MAP3K7CL: variants seen among roughly 807,000 people sequenced by gnomAD.
The protein encoded by MAP3K7CL is MAP3K7 C-terminal-like protein.
A neutral mutation model predicts 18.6 loss-of-function variants in MAP3K7CL; 16 were observed. The ratio of observed to expected loss-of-function variants is 0.86; its 90% confidence interval spans 0.58 to 1.31. MAP3K7CL has a LOEUF of 1.31. Ranked by LOEUF, MAP3K7CL falls within the 50% of genes most tolerant of loss-of-function variation. The pLI is 0.00. For synonymous variants in MAP3K7CL, 65 were observed against 66.8 expected (o/e 0.97, Z 0.13); for missense variants, 163 against 174.4 (o/e 0.93, Z 0.37).
chr21:29,133,012 C>T (rs1044749897), intron 1 of MAP3K7CL, among the ~76,000 whole-genome samples: 7 of 152,058 alleles, frequency 4.6e-5, no homozygotes, highest in African/African-American at 1.7e-4. Flanking sequence ...CAGGATTGAA[C>T]TGGTCCGTGT....
chr21:29,171,905 C>T lies in MAP3K7CL; in HGVS notation c.249-2807C>T, dbSNP rs192968288. 9.9e-4 allele frequency among the ~76,000 whole-genome samples: 150 copies of T among 151,644 alleles called. 3 individuals carry two copies. Among genetic ancestry groups the T allele is most frequent in the Admixed American group, 9.0e-3 (137 of 15,238 alleles). ...CAGTTGTGCCTTATTCTTCCTCCCA[C>T]GACAGTACTGGGGTTTTCTTTCTCT... On this transcript the variant is annotated intron_variant, in intron 4 of 4. Transcript: ENST00000399928.
chr21:29,115,142 C>T lies in MAP3K7CL; in HGVS notation c.370+22561C>T, dbSNP rs551653217. ...CGCCTCTGCTGTGGCCTCATCATGC[C>T]GGGCTAACTTGGTCTTCCCCATGTA... On this transcript the variant is annotated intron_variant, in intron 4 of 6. Coordinates refer to the MAP3K7CL transcript ENST00000286791. Among the ~76,000 whole-genome samples, 9 of 152,288 alleles carry T rather than the reference C, an allele frequency of 5.9e-5. No individual in the cohort carries two copies. The East Asian group carries it at 7.7e-4, about 13-fold the overall frequency.
intron 4 of MAP3K7CL, among the ~76,000 whole-genome samples, chr21:29,093,791 G>A (rs902778537): frequency 1.3e-5 from 2 of 152,122 alleles, no homozygotes; most frequent in East Asian, 1.9e-4. Flanking sequence ...GCGCCCGGCC[G>A]AGAAGGACCT....
intron 1 of MAP3K7CL, among the ~76,000 whole-genome samples, chr21:29,078,029 A>T (rs922700857): frequency 1.3e-5 from 2 of 152,090 alleles, no homozygotes; most frequent in Non-Finnish European, 2.9e-5. Flanking sequence ...TGTTTGTGTT[A>T]AAGTTTTAAC....
rs917855867 is a variant in MAP3K7CL at position 29,091,593 on chromosome 21, A to T, written c.133+17A>T. On this transcript the variant is annotated intron_variant, in intron 2 of 6. Coordinates refer to the MAP3K7CL transcript ENST00000286791. ...TGGGCCCAGGTAATTGTCCCACCTC[A>T]GCCCCTCAAGTAACTGGGACCACAG... is the stretch of plus-strand genomic sequence containing the variant. 4.7e-5 allele frequency: 33 copies of T among 700,554 alleles called. No individual in the cohort carries two copies. In the African/African-American group the frequency reaches 5.8e-4, roughly 12 times the overall value. The allele number at this position is 700,554 out of a possible 1,614,324, so 43.4% of individuals were successfully genotyped here.
At chr21:29,145,712 G>A (rs944017572) in intron 2 of MAP3K7CL, 1 of 152,164 alleles carries the variant, frequency 6.6e-6, no homozygotes, top group African/African-American at 2.4e-5. Context: ...GACTTGGTAG[G>A]CTTCATACAT....
At chr21:29,147,840 A>C (rs1439842257) in intron 2 of MAP3K7CL, among the ~76,000 whole-genome samples, 1 of 151,388 alleles carries the variant, frequency 6.6e-6, no homozygotes, top group East Asian at 1.9e-4. Context: ...TCTGTACTGT[A>C]TATATCTGTA....
intron 4 of MAP3K7CL, among the ~76,000 whole-genome samples, chr21:29,172,241 C>CTTTTTTTTTTTTTTT (rs35612617): frequency 1.7e-4 from 22 of 126,248 alleles, no homozygotes; most frequent in East Asian, 4.6e-4. Context: ...TTGTCATTTT[C>CTTTTTTTTTTTTTTT]TTTTTTTTTT....
At chr21:29,081,580 T>C (rs2085836285), upstream of MAP3K7CL, among the ~76,000 whole-genome samples, 1 of 152,232 alleles carries the variant, frequency 6.6e-6, no homozygotes, top group Admixed American at 6.5e-5. Context: ...TTATGGTCTG[T>C]AAGTATCTGG....
intron 4 of MAP3K7CL, among the ~76,000 whole-genome samples, chr21:29,120,410 G>A (rs1460671983): frequency 1.3e-5 from 2 of 152,032 alleles, no homozygotes; most frequent in East Asian, 1.9e-4. Context: ...TGGAACTTTG[G>A]GCAAATCATT....
In MAP3K7CL at chr21:29,121,705, T is replaced by C. The variant is rs147609786; in HGVS notation, c.371-27484T>C. Among the ~76,000 whole-genome samples, 349 of 151,918 alleles carry C rather than the reference T, an allele frequency of 2.3e-3. 1 individual carries two copies. The highest frequency in any genetic ancestry group is 8.0e-3 in the African/African-American group (331 of 41,412). ...ACTTCAATGAGTTTCCTTTATAATT[T>C]CAGTAAAGATATGACCTTAACATTG... is the stretch of plus-strand genomic sequence containing the variant. On this transcript the variant is annotated intron_variant, in intron 4 of 6. Transcript: ENST00000286791.
At chr21:29,169,148 A>G (rs1049132863) in intron 4 of MAP3K7CL, among the ~76,000 whole-genome samples, 3 of 152,238 alleles carry the variant, frequency 2.0e-5, no homozygotes, top group Non-Finnish European at 4.4e-5. Context: ...GCCAATGTAT[A>G]GACAGTGCCC....
rs531010280 is a variant in MAP3K7CL, at chr21:29,088,569, G to A, written c.57+2652G>A. Among the ~76,000 whole-genome samples the A allele has an allele frequency of 3.5e-4, 53 of 152,258 alleles. 1 individual carries two copies. The highest frequency in any genetic ancestry group is 1.0e-3 in the African/African-American group (42 of 41,542). On this transcript the variant is annotated intron_variant, in intron 1 of 6. Transcript: ENST00000286791. ...AGGAATTAAATTGGTCTTAAATTAC[G>A]CTGTGAATAATAAAAATGCTAATAG...
intron 1 of MAP3K7CL, among the ~76,000 whole-genome samples, chr21:29,089,364 T>C (rs146132500): frequency 6.6e-6 from 1 of 152,190 alleles, no homozygotes; most frequent in Middle Eastern, 3.4e-3. Context: ...AATACTGTTA[T>C]ATATTAGTGT....
At chr21:29,144,922 T>C (rs1243158849) in intron 2 of MAP3K7CL, among the ~76,000 whole-genome samples, 3 of 152,230 alleles carry the variant, frequency 2.0e-5, no homozygotes, top group Admixed American at 2.0e-4. Flanking sequence ...TACATCATAA[T>C]GGTTGGGCTG....
intron 4 of MAP3K7CL, among the ~76,000 whole-genome samples, chr21:29,124,792 A>G (rs1479047333): frequency 6.6e-6 from 1 of 152,272 alleles, no homozygotes. Context: ...GAATACAGCT[A>G]TACACATTTA....
chr21:29,145,227 A>G (rs925798492), intron 2 of MAP3K7CL, among the ~76,000 whole-genome samples: 1 of 152,178 alleles, frequency 6.6e-6, no homozygotes, highest in East Asian at 1.9e-4. Flanking sequence ...TTTAATAAAA[A>G]TGTACTTGTG....
chr21:29,130,691 TGAAGGGAAGCG>T lies in MAP3K7CL; in HGVS notation c.-262_-252del, dbSNP rs2086762295. ...AGGCAAGGAAAGGAGAGAGGGGTTGTGAAGGGAAGCGGAAGGGAAGGGAAGGGAGGTCCCGT... is the reference window on the plus strand; with the variant it reads ...AGGCAAGGAAAGGAGAGAGGGGTTGTGAAGGGAAGGGAAGGGAGGTCCCGT... On this transcript the variant is annotated 5_prime_UTR_variant, in exon 1 of 5. Transcript: ENST00000399928. 3 of 985,352 alleles carry T rather than the reference TGAAGGGAAGCG, an allele frequency of 3.0e-6. No individual in the cohort carries two copies. Among genetic ancestry groups the T allele is most frequent in the South Asian group, 4.7e-5 (1 of 21,290 alleles). The allele number at this position is 985,352 out of a possible 1,614,324, so 61.0% of individuals were successfully genotyped here.
At chr21:29,133,446 C>T (rs1476330361) in intron 2 of MAP3K7CL, 32 bp downstream of exon 2, 1 of 1,457,502 alleles carries the variant, frequency 6.9e-7, no homozygotes, top group Admixed American at 2.1e-5. Flanking sequence ...GGATTGTTTC[C>T]TTCATACCCC....
Sources: gnomAD v4.1 joint callset for allele counts (sites outside exome capture counted in the v4.1 genomes callset) on GRCh38, gnomAD v4.1.1 for gene constraint, MANE v1.5 for transcripts, NCBI Gene and HGNC (gene_info 2026-07-23, HGNC 2026-07-21) for gene names.